Variants in PALLD observed in about 807,000 individuals in gnomAD.
PALLD encodes the protein palladin.
Under a neutral mutation model 123.5 loss-of-function variants are expected in PALLD, and 61 were observed. That is an observed-to-expected ratio of 0.49 (90% CI 0.40 to 0.61). PALLD has a LOEUF of 0.61. Among genes scored for constraint, PALLD ranks in the 20% least tolerant of loss-of-function variants. The pLI, the probability that PALLD is intolerant of heterozygous loss-of-function variation, is 0.00. For synonymous variants in PALLD, 465 were observed against 496.4 expected (o/e 0.94, Z 0.84); for missense variants, 1,273 against 1,377.0 (o/e 0.92, Z 1.20).
At chr4:168,656,359 T>C (rs1309096242) in intron 2 of PALLD, among the ~76,000 whole-genome samples, 1 of 151,312 alleles carries the variant, frequency 6.6e-6, no homozygotes. Context: ...TGTACTTGCA[T>C]AGGGAATTGG....
chr4:168,500,748 T>C (rs954655130), intron 1 of PALLD, among the ~76,000 whole-genome samples: 2 of 152,184 alleles, frequency 1.3e-5, no homozygotes, highest in African/African-American at 4.8e-5. Context: ...TCAGGTAATC[T>C]ATCCCCAAAA....
At chr4:168,573,556 T>A (rs1580376383) in intron 2 of PALLD, among the ~76,000 whole-genome samples, 1 of 152,250 alleles carries the variant, frequency 6.6e-6, no homozygotes, top group East Asian at 1.9e-4. Flanking sequence ...CCTTCTGGTT[T>A]TTATTGGTGG....
At chr4:168,604,542 C>T (rs1008167812) in intron 2 of PALLD, among the ~76,000 whole-genome samples, 23 of 152,150 alleles carry the variant, frequency 1.5e-4, no homozygotes, top group African/African-American at 3.6e-4. Flanking sequence ...AGACTAACAA[C>T]GCTTGATTAA....
At chr4:168,749,487 A>C (rs552105527) in intron 10 of PALLD, among the ~76,000 whole-genome samples, 2 of 152,130 alleles carry the variant, frequency 1.3e-5, no homozygotes, top group South Asian at 4.2e-4. Context: ...CAGTTGGATC[A>C]CCTAAGGCCA....
chr4:168,783,046 A>C (rs4478145), intron 10 of PALLD, among the ~76,000 whole-genome samples: 2 of 116,056 alleles, frequency 1.7e-5, no homozygotes, highest in Non-Finnish European at 4.1e-5. Context: ...TTATATATAT[A>C]TGTGTGTGTG....
At chr4:168,830,980 C>T (rs534151977) in intron 10 of PALLD, among the ~76,000 whole-genome samples, 1 of 152,022 alleles carries the variant, frequency 6.6e-6, no homozygotes, top group Middle Eastern at 3.4e-3. Context: ...TAGATATTAC[C>T]ATTCATTCAT....
intron 10 of PALLD, among the ~76,000 whole-genome samples, chr4:168,813,646 T>G (rs1741490510): frequency 6.6e-6 from 1 of 152,050 alleles, no homozygotes; most frequent in Admixed American, 6.6e-5. Flanking sequence ...TGTTTTAGAG[T>G]TGGGGGTCTC....
intron 10 of PALLD, among the ~76,000 whole-genome samples, chr4:168,813,409 A>C (rs746179821): frequency 6.6e-6 from 1 of 152,202 alleles, no homozygotes; most frequent in African/African-American, 2.4e-5. Flanking sequence ...AGGCAGTTAC[A>C]GAACAACAAC....
chr4:168,588,063 A>C (rs934040588), intron 2 of PALLD, among the ~76,000 whole-genome samples: 1 of 151,720 alleles, frequency 6.6e-6, no homozygotes, highest in Non-Finnish European at 1.5e-5. Context: ...GCGCTCTTGG[A>C]TCTGGGTCAG....
At chr4:168,674,896 A>G (rs2150049925) in intron 3 of PALLD, among the ~76,000 whole-genome samples, 1 of 152,288 alleles carries the variant, frequency 6.6e-6, no homozygotes, top group Admixed American at 6.5e-5. Context: ...ATATAGGCTG[A>G]AGAAGATAGT....
intron 8 of PALLD, chr4:168,700,887 TAAAAC>T (rs1423385693): frequency 6.6e-6 from 1 of 152,078 alleles, no homozygotes; most frequent in Non-Finnish European, 1.5e-5. Flanking sequence ...AAAAATAAAA[TAAAAC>T]AAAATTGCAC....
chr4:168,794,490 G>GCACACA (rs1386240845), intron 10 of PALLD, among the ~76,000 whole-genome samples: 3 of 136,850 alleles, frequency 2.2e-5, no homozygotes, highest in Non-Finnish European at 3.1e-5. Flanking sequence ...ACACACACAT[G>GCACACA]CACGCACACA....
At chr4:168,673,790 C>T (rs1364879913) in intron 3 of PALLD, among the ~76,000 whole-genome samples, 1 of 152,020 alleles carries the variant, frequency 6.6e-6, no homozygotes, top group Non-Finnish European at 1.5e-5. Flanking sequence ...TTCAGCTATA[C>T]CGTTTGTGAG....
intron 10 of PALLD, among the ~76,000 whole-genome samples, chr4:168,712,655 G>A (rs900237968): frequency 2.0e-5 from 3 of 152,182 alleles, no homozygotes; most frequent in Non-Finnish European, 4.4e-5. Context: ...TTCTACCATA[G>A]CGCAAGAGAC....
chr4:168,507,852 T>G (rs1762153653), intron 1 of PALLD, among the ~76,000 whole-genome samples: 2 of 152,204 alleles, frequency 1.3e-5, no homozygotes, highest in African/African-American at 4.8e-5. Flanking sequence ...CATCTCCAGA[T>G]AGATTTCTGT....
intron 2 of PALLD, among the ~76,000 whole-genome samples, chr4:168,581,440 A>AT (rs1283023035): frequency 1.3e-5 from 2 of 152,100 alleles, no homozygotes; most frequent in African/African-American, 4.8e-5. Flanking sequence ...GATAGTAGCC[A>AT]TTCTAACAGG....
chr4:168,734,627 T>C lies in PALLD; in HGVS notation c.1964+22704T>C, dbSNP rs142679870. Among the ~76,000 whole-genome samples, 208 of 152,344 alleles carry C rather than the reference T, an allele frequency of 1.4e-3. 2 individuals carry two copies. In the East Asian group the frequency reaches 0.02, roughly 15 times the overall value. On this transcript the variant is annotated intron_variant, in intron 10 of 21. Transcript: ENST00000505667. Reference sequence around the variant, plus strand: ...AATCTTCATTAGCCGTTACTATGGATAAGCTGCTGTAAACGTTTTTAAAAA... The same window carrying C: ...AATCTTCATTAGCCGTTACTATGGACAAGCTGCTGTAAACGTTTTTAAAAA...
At chr4:168,631,643 C>G (rs1413341692) in intron 2 of PALLD, 1 of 985,422 alleles carries the variant, frequency 1.0e-6, no homozygotes, top group African/African-American at 1.7e-5. Flanking sequence ...CCGGCGGCCT[C>G]TCACCGAGCC....
At chr4:168,754,690 T>A (rs958047286) in intron 10 of PALLD, among the ~76,000 whole-genome samples, 1 of 152,172 alleles carries the variant, frequency 6.6e-6, no homozygotes, top group African/African-American at 2.4e-5. Context: ...TATTCCCATC[T>A]TTCTATTCTG....
Sources: gnomAD v4.1 joint callset for allele counts (sites outside exome capture counted in the v4.1 genomes callset) on GRCh38, gnomAD v4.1.1 for gene constraint, MANE v1.5 for transcripts, NCBI Gene and HGNC (gene_info 2026-07-23, HGNC 2026-07-21) for gene names.